The following HS6ST3 variants were observed in gnomAD, a reference collection of about 807,000 sequenced individuals.
HS6ST3 encodes heparan sulfate 6-O-sulfotransferase 3, also known as heparan-sulfate 6-O-sulfotransferase 3.
Under a neutral mutation model 36.7 loss-of-function variants are expected in HS6ST3, and 12 were observed. The observed-to-expected ratio is 0.33, with a 90% CI of 0.21 to 0.53. HS6ST3 has a LOEUF of 0.53. Among genes scored for constraint, HS6ST3 ranks in the 20% least tolerant of loss-of-function variants. HS6ST3 has a pLI of 0.95. For synonymous variants in HS6ST3, 240 were observed against 257.5 expected, an observed-to-expected ratio of 0.93 and a Z score of 0.65; for missense variants, 584 against 640.9, an observed-to-expected ratio of 0.91 and a Z score of 0.96.
At chr13:96,759,054 TATAAC>T (rs1379764002) in intron 1 of HS6ST3, among the ~76,000 whole-genome samples, 1 of 151,870 alleles carries the variant, frequency 6.6e-6, no homozygotes, top group Non-Finnish European at 1.5e-5. Flanking sequence ...ACCTTTTTAT[TATAAC>T]ATGACTCTAT....
intron 1 of HS6ST3, among the ~76,000 whole-genome samples, chr13:96,606,843 T>C (rs536617552): frequency 1.1e-4 from 16 of 152,012 alleles, no homozygotes; most frequent in Non-Finnish European, 2.1e-4. Context: ...AAGACAAGAA[T>C]GAATACATGT....
chr13:96,804,533 C>A (rs763593926), intron 1 of HS6ST3, among the ~76,000 whole-genome samples: 1 of 152,114 alleles, frequency 6.6e-6, no homozygotes, highest in African/African-American at 2.4e-5. Flanking sequence ...TTGACTTTTT[C>A]TTTCTTTAAA....
intron 1 of HS6ST3, among the ~76,000 whole-genome samples, chr13:96,164,069 G>T (rs1159618511): frequency 6.6e-6 from 1 of 152,110 alleles, no homozygotes; most frequent in Non-Finnish European, 1.5e-5. Flanking sequence ...TTGCAGTGAG[G>T]CCTTGTTCCC....
At chr13:96,607,862 A>G (rs948116470) in intron 1 of HS6ST3, among the ~76,000 whole-genome samples, 5 of 152,218 alleles carry the variant, frequency 3.3e-5, no homozygotes, top group African/African-American at 4.8e-5. Context: ...GAATCATCAA[A>G]GCGAGTAACC....
chr13:96,706,547 A>T (rs568507124), intron 1 of HS6ST3, among the ~76,000 whole-genome samples: 64 of 151,086 alleles, frequency 4.2e-4, no homozygotes, highest in Non-Finnish European at 8.0e-4. Context: ...TGGTCAAGTA[A>T]ATATCTTCTG....
At chr13:96,146,580 C>A (rs1168204906) in intron 1 of HS6ST3, among the ~76,000 whole-genome samples, 1 of 152,106 alleles carries the variant, frequency 6.6e-6, no homozygotes, top group Non-Finnish European at 1.5e-5. Context: ...ATAGATGCCT[C>A]CTAATATGTA....
intron 1 of HS6ST3, among the ~76,000 whole-genome samples, chr13:96,483,260 G>C (rs765688952): frequency 2.0e-5 from 3 of 152,138 alleles, no homozygotes; most frequent in African/African-American, 2.4e-5. Context: ...AGTGAGCAGG[G>C]GTTCCCCAGA....
intron 1 of HS6ST3, among the ~76,000 whole-genome samples, chr13:96,110,903 A>C (rs977559134): frequency 6.6e-6 from 1 of 152,102 alleles, no homozygotes; most frequent in Non-Finnish European, 1.5e-5. Context: ...TGCACAACTT[A>C]CTTACCTTTC....
At position 96,724,063 on chromosome 13, in the gene HS6ST3, G is replaced by A. The variant is rs532616933; in HGVS notation, c.708-108427G>A. Among the ~76,000 whole-genome samples the A allele has an allele frequency of 6.2e-4, 93 of 150,990 alleles. 2 individuals are homozygous for A. The highest frequency in any genetic ancestry group is 2.2e-4 in the Non-Finnish European group (15 of 67,872). On this transcript the variant is annotated intron_variant, in intron 1 of 1. Coordinates refer to ENST00000376705, the MANE Select transcript of HS6ST3 (RefSeq NM_153456.4). ...TTTCCCTCTTGGGATCATATTCTTC[G>A]TCCCAGCAGGCTCCTCAGCTTCAGA...
intron 1 of HS6ST3, among the ~76,000 whole-genome samples, chr13:96,406,245 A>G (rs890010685): frequency 2.0e-5 from 3 of 152,240 alleles, no homozygotes; most frequent in Non-Finnish European, 2.9e-5. Flanking sequence ...TTAATTATGA[A>G]AACAATGTAA....
At chr13:96,338,194 T>C (rs2055111454) in intron 1 of HS6ST3, among the ~76,000 whole-genome samples, 1 of 152,166 alleles carries the variant, frequency 6.6e-6, no homozygotes, top group South Asian at 2.1e-4. Context: ...CTGGCTGCAG[T>C]TGCTATGTAA....
At chr13:96,275,422 G>T (rs1283319482) in intron 1 of HS6ST3, among the ~76,000 whole-genome samples, 1 of 152,088 alleles carries the variant, frequency 6.6e-6, no homozygotes, top group East Asian at 1.9e-4. Context: ...ATGGCAATGG[G>T]CCCTACCAAT....
intron 1 of HS6ST3, among the ~76,000 whole-genome samples, chr13:96,716,841 A>G (rs1051893211): frequency 1.3e-5 from 2 of 152,252 alleles, no homozygotes; most frequent in African/African-American, 2.4e-5. Flanking sequence ...AACAAGAACA[A>G]TGATAAAGAT....
intron 1 of HS6ST3, among the ~76,000 whole-genome samples, chr13:96,106,889 C>T (rs149095991): frequency 6.6e-6 from 1 of 152,334 alleles, no homozygotes; most frequent in Non-Finnish European, 1.5e-5. Context: ...AGTAAGTTGT[C>T]TGGCAGTATT....
At chr13:96,684,767 T>G (rs1465895610) in intron 1 of HS6ST3, among the ~76,000 whole-genome samples, 3 of 152,034 alleles carry the variant, frequency 2.0e-5, no homozygotes, top group South Asian at 2.1e-4. Context: ...AATATACAGC[T>G]AATTACAATG....
At chr13:96,492,209 G>A (rs146799380) in intron 1 of HS6ST3, among the ~76,000 whole-genome samples, 58 of 152,254 alleles carry the variant, frequency 3.8e-4, no homozygotes, top group South Asian at 6.2e-4. Context: ...CAGGGGCTGG[G>A]TTCATTCTCT....
intron 1 of HS6ST3, among the ~76,000 whole-genome samples, chr13:96,565,387 G>T (rs193067075): frequency 6.9e-4 from 105 of 152,182 alleles, no homozygotes; most frequent in African/African-American, 2.4e-3. Context: ...TCCCAAAATA[G>T]GTAGGGTAAA....
At chr13:96,518,208 G>T (rs921277951) in intron 1 of HS6ST3, among the ~76,000 whole-genome samples, 3 of 152,022 alleles carry the variant, frequency 2.0e-5, no homozygotes, top group Non-Finnish European at 4.4e-5. Context: ...CTCCTTAACA[G>T]ATTTTTATTA....
At chr13:96,644,233 T>C (rs1289851928) in intron 1 of HS6ST3, among the ~76,000 whole-genome samples, 1 of 152,024 alleles carries the variant, frequency 6.6e-6, no homozygotes, top group African/African-American at 2.4e-5. Flanking sequence ...CTCCTTTTAC[T>C]GCACTTTTCC....
Sources: gnomAD v4.1 joint callset for allele counts (sites outside exome capture counted in the v4.1 genomes callset) on GRCh38, gnomAD v4.1.1 for gene constraint, MANE v1.5 for transcripts, NCBI Gene and HGNC (gene_info 2026-07-23, HGNC 2026-07-21) for gene names.